The following SLC2A12 variants were observed in gnomAD, a reference collection of about 807,000 sequenced individuals.
SLC2A12 encodes the protein solute carrier family 2 member 12, also known as solute carrier family 2, facilitated glucose transporter member 12.
Under a neutral mutation model 41.8 loss-of-function variants are expected in SLC2A12, and 23 were observed. The ratio of observed to expected loss-of-function variants is 0.55; its 90% CI spans 0.40 to 0.78. The LOEUF is 0.78. SLC2A12 is among the 30% of genes least tolerant of loss of function. SLC2A12 has a pLI of 0.00. For synonymous variants in SLC2A12, 295 were observed against 285.9 expected (o/e 1.03, Z -0.32); for missense variants, 654 against 745.6 (o/e 0.88, Z 1.43).
At chr6:134,010,478 T>C (rs753451855) in intron 2 of SLC2A12, among the ~76,000 whole-genome samples, 6 of 152,170 alleles carry the variant, frequency 3.9e-5, no homozygotes, top group Admixed American at 1.3e-4. Context: ...AAAATTATTC[T>C]CCTTGACTCC....
chr6:134,022,071 T>C (rs1222089797), intron 2 of SLC2A12, among the ~76,000 whole-genome samples: 3 of 152,180 alleles, frequency 2.0e-5, no homozygotes, highest in Non-Finnish European at 4.4e-5. Flanking sequence ...CGTGGCCCTA[T>C]GGTCCTGCAG....
intron 1 of SLC2A12, among the ~76,000 whole-genome samples, chr6:134,033,472 T>A (rs750050318): frequency 6.6e-6 from 1 of 152,108 alleles, no homozygotes; most frequent in Non-Finnish European, 1.5e-5. Context: ...CTGCTTGTCA[T>A]TGTTCATTTT....
chr6:134,032,447 T>TATATATATATATATATATATATAA (rs1162366373), intron 1 of SLC2A12, among the ~76,000 whole-genome samples: 1 of 33,474 alleles, frequency 3.0e-5, no homozygotes, highest in African/African-American at 1.3e-4. Flanking sequence ...TATATATATA[T>TATATATATATATATATATATATAA]AAATATATAT....
At chr6:133,993,171 C>T (rs1158197908) in intron 4 of SLC2A12, among the ~76,000 whole-genome samples, 2 of 152,256 alleles carry the variant, frequency 1.3e-5, no homozygotes, top group African/African-American at 4.8e-5. Context: ...TCCCTTCTCT[C>T]TCTGTTCTCT....
intron 2 of SLC2A12, among the ~76,000 whole-genome samples, chr6:134,020,285 A>G (rs1473142917): frequency 6.6e-6 from 1 of 152,208 alleles, no homozygotes; most frequent in Non-Finnish European, 1.5e-5. Context: ...TCTTGCTTTC[A>G]ATGTTACTTT....
chr6:134,052,228 C>G, intron 1 of SLC2A12, 150 bp downstream of exon 1: 1 of 618,526 alleles, frequency 1.6e-6, no homozygotes, highest in Non-Finnish European at 2.7e-6. Flanking sequence ...TCATCCAGCG[C>G]GCCCACATGC....
chr6:134,018,640 A>G (rs554070210), intron 2 of SLC2A12, among the ~76,000 whole-genome samples: 1 of 151,860 alleles, frequency 6.6e-6, no homozygotes, highest in African/African-American at 2.4e-5. Flanking sequence ...ATCGGAAATA[A>G]CCCTCCTCCA....
At chr6:134,020,648 G>A (rs532928135) in intron 2 of SLC2A12, among the ~76,000 whole-genome samples, 6 of 152,102 alleles carry the variant, frequency 3.9e-5, no homozygotes, top group Admixed American at 6.5e-5. Context: ...TTAAAAACAC[G>A]AGGAGAATCC....
chr6:134,031,999 A>AATG (rs1777214967), intron 1 of SLC2A12, among the ~76,000 whole-genome samples: 1 of 152,188 alleles, frequency 6.6e-6, no homozygotes, highest in Non-Finnish European at 1.5e-5. Flanking sequence ...GTGTAAGTCA[A>AATG]ATGTTAGAAA....
chr6:134,005,465 T>C (rs1161983571), intron 3 of SLC2A12, among the ~76,000 whole-genome samples: 2 of 151,562 alleles, frequency 1.3e-5, no homozygotes, highest in Non-Finnish European at 2.9e-5. Context: ...GAGACCAGCC[T>C]GAGTCAACAA....
rs948668224 is a variant in SLC2A12 at position 133,989,246 on chromosome 6, C to T, written c.*1909G>A. On this transcript the variant is annotated 3_prime_UTR_variant, in exon 5 of 5. Coordinates refer to ENST00000275230, the MANE Select transcript of SLC2A12 (RefSeq NM_145176.3). ...TATGTACAAGTTGTAAGTATTTCCC[C>T]CTTTTTATTTTTGAAAATCAAGAAG... 2 of 151,950 alleles carry T rather than the reference C, an allele frequency of 1.3e-5. No individual in the cohort carries two copies. The highest frequency in any genetic ancestry group is 4.8e-5 in the African/African-American group (2 of 41,380). The allele number at this position is 151,950 out of a possible 1,614,324, so 9.4% of individuals were successfully genotyped here.
intron 4 of SLC2A12, among the ~76,000 whole-genome samples, chr6:134,000,475 C>T (rs1465149882): frequency 6.6e-6 from 1 of 152,166 alleles, no homozygotes; most frequent in Non-Finnish European, 1.5e-5. Flanking sequence ...TCGCTATGCC[C>T]ACAATATCTG....
chr6:134,034,170 C>T (rs900809266), intron 1 of SLC2A12, among the ~76,000 whole-genome samples: 1 of 152,158 alleles, frequency 6.6e-6, no homozygotes, highest in Non-Finnish European at 1.5e-5. Flanking sequence ...ATCTTTCTAT[C>T]TTCCTGTCTC....
Position 134,042,793 on chromosome 6 carries a change from T to C in SLC2A12, c.103+9585A>G, listed in dbSNP as rs1777400488. Among the ~76,000 whole-genome samples the C allele has an allele frequency of 2.0e-5, 3 of 152,026 alleles. No homozygotes were observed. The South Asian group carries it at 6.2e-4, about 32-fold the overall frequency. On this transcript the variant is annotated intron_variant, in intron 1 of 4. Transcript: ENST00000275230. The stretch of plus-strand genomic sequence containing the variant: ...CAGCCTGAGCAACATAGTAAGACTC[T>C]GTCTCTATTAAAAATACAAAAAAAT...
At chr6:134,041,672 G>T (rs1308170288) in intron 1 of SLC2A12, among the ~76,000 whole-genome samples, 3 of 152,070 alleles carry the variant, frequency 2.0e-5, no homozygotes, top group Admixed American at 1.3e-4. Flanking sequence ...ATGCACAGCG[G>T]CAGTCTACGG....
intron 1 of SLC2A12, among the ~76,000 whole-genome samples, chr6:134,042,957 A>G (rs1206916537): frequency 7.0e-6 from 1 of 143,116 alleles, no homozygotes; most frequent in African/African-American, 2.6e-5. Flanking sequence ...ACAGAGTAAC[A>G]CTCTGTCTCA....
At chr6:134,033,307 C>T (rs1316563767) in intron 1 of SLC2A12, among the ~76,000 whole-genome samples, 1 of 152,108 alleles carries the variant, frequency 6.6e-6, no homozygotes, top group Non-Finnish European at 1.5e-5. Flanking sequence ...TGCAAAATGA[C>T]TTTAAAGTAC....
At chr6:134,035,151 CAAAAAA>C (rs71003662) in intron 1 of SLC2A12, among the ~76,000 whole-genome samples, 2,628 of 107,866 alleles carry the variant, frequency 0.024, 93 homozygotes, top group African/African-American at 0.082. Context: ...GGCTGCCTGA[CAAAAAA>C]AAAAAAAAAA....
intron 1 of SLC2A12, among the ~76,000 whole-genome samples, chr6:134,040,627 C>A (rs1317967463): frequency 6.6e-6 from 1 of 152,320 alleles, no homozygotes; most frequent in South Asian, 2.1e-4. Flanking sequence ...CCAGGAATTA[C>A]GTTCCCTCAC....
Sources: gnomAD v4.1 joint callset for allele counts (sites outside exome capture counted in the v4.1 genomes callset) on GRCh38, gnomAD v4.1.1 for gene constraint, MANE v1.5 for transcripts, NCBI Gene and HGNC (gene_info 2026-07-23, HGNC 2026-07-21) for gene names.